The following MS4A4E variants were observed in gnomAD, a reference collection of about 807,000 sequenced individuals.
The protein encoded by MS4A4E is membrane spanning 4-domains A4E, also known as putative membrane-spanning 4-domains subfamily A member 4E.
Under a neutral mutation model 13.3 loss-of-function variants are expected in MS4A4E, and 23 were observed. The observed-to-expected ratio is 1.73, with a 90% CI of 1.25 to 2.45. The LOEUF (loss-of-function observed/expected upper bound fraction) is 2.45, where lower values mean the gene tolerates loss of function less well. Among genes scored for constraint, MS4A4E ranks in the 30% most tolerant of loss-of-function variants. MS4A4E has a pLI of 0.00. For missense variants in MS4A4E, 144 were observed against 131.2 expected, an observed-to-expected ratio of 1.10 and a Z score of -0.48; for synonymous variants, 36 against 45.6, an observed-to-expected ratio of 0.79 and a Z score of 0.85.
At chr11:60,218,784 G>T (rs1222384641) in intron 3 of MS4A4E, among the ~76,000 whole-genome samples, 9 of 152,178 alleles carry the variant, frequency 5.9e-5, no homozygotes, top group Admixed American at 2.0e-4. Flanking sequence ...CACTTGAAAA[G>T]AACTGCTTGA....
In MS4A4E at chr11:60,214,561, C is replaced by T. The variant is rs1354645961; in HGVS notation, c.222+10G>A. 6.6e-7 allele frequency: 1 copy of T among 1,510,092 alleles called. No individual in the cohort carries two copies. The highest frequency in any genetic ancestry group is 8.8e-7 in the Non-Finnish European group (1 of 1,130,530). The allele number at this position is 1,510,092 out of a possible 1,614,324, so 93.5% of individuals were successfully genotyped here. A position where few individuals can be genotyped will look rare whatever the true frequency, so the allele number is the denominator to read the frequency against. ...TTTCCTTTTGATACCCCCCACAAAA[C>T]ATTACTCACCAGACCTTTTGTTGTT... On this transcript the variant is annotated intron_variant, in intron 4 of 8. Transcript: ENST00000651255.
chr11:60,228,696 C>T (rs920596635), intron 2 of MS4A4E, 69 bp from the exon 3 acceptor site: 4 of 680,762 alleles, frequency 5.9e-6, no homozygotes, highest in African/African-American at 5.3e-5. Flanking sequence ...AGATGTCCTT[C>T]TGTAGGTGAA....
chr11:60,232,593 A>G lies in MS4A4E; in HGVS notation c.-16-2522T>C, dbSNP rs560153265. On this transcript the variant is annotated intron_variant, in intron 1 of 8. Transcript: ENST00000651255. ...CACCTGCAGTCTTACTACTGGAGAC[A>G]CATAGAGTCTTTACAGGCTCTGAGC... 3.9e-4 allele frequency among the ~76,000 whole-genome samples: 60 copies of G among 152,176 alleles called. 1 individual carries two copies. The highest frequency in any genetic ancestry group is 7.1e-4 in the Non-Finnish European group (48 of 68,018).
chr11:60,213,416 G>T, intron 4 of MS4A4E: 2 of 946,830 alleles, frequency 2.1e-6, no homozygotes, highest in Non-Finnish European at 3.1e-6. Flanking sequence ...TCATGTCTGT[G>T]TCCTTCCCTG....
In MS4A4E at chr11:60,222,530, C is replaced by T. The variant is rs575339369; in HGVS notation, c.178+6064G>A. Among the ~76,000 whole-genome samples, 5 of 152,210 alleles carry T rather than the reference C, an allele frequency of 3.3e-5. No individual in the cohort carries two copies. The East Asian group carries it at 5.8e-4, about 18-fold the overall frequency. On this transcript the variant is annotated intron_variant, in intron 3 of 8. Coordinates refer to ENST00000651255, the MANE Select transcript of MS4A4E (RefSeq NM_001393391.1). Reference sequence around the variant, plus strand: ...GAAGGCTGTGCATGCTCTGAATCAGCGTCTAATATAAGGTACTGTTTCTGC... The same window carrying T: ...GAAGGCTGTGCATGCTCTGAATCAGTGTCTAATATAAGGTACTGTTTCTGC...
intron 3 of MS4A4E, among the ~76,000 whole-genome samples, chr11:60,222,328 C>T (rs548462549): frequency 3.9e-5 from 6 of 152,310 alleles, no homozygotes; most frequent in African/African-American, 1.2e-4. Flanking sequence ...AAGGCACTCA[C>T]TTGTTGGCTA....
chr11:60,213,475 G>T, intron 4 of MS4A4E: 1 of 570,400 alleles, frequency 1.8e-6, no homozygotes, highest in South Asian at 2.5e-5. Context: ...TCTAAACACT[G>T]CTTGCCTCTC....
intron 3 of MS4A4E, among the ~76,000 whole-genome samples, chr11:60,226,065 G>T (rs978625012): frequency 6.6e-6 from 1 of 151,666 alleles, no homozygotes; most frequent in Non-Finnish European, 1.5e-5. Context: ...CCAATGAATT[G>T]CTCCTTAAAG....
chr11:60,231,780 A>G (rs2084414134), intron 1 of MS4A4E, among the ~76,000 whole-genome samples: 1 of 152,194 alleles, frequency 6.6e-6, no homozygotes, highest in African/African-American at 2.4e-5. Context: ...ACAAAAAGAC[A>G]TGCTTAGAAA....
At chr11:60,224,853 C>A in intron 3 of MS4A4E, 1 of 923,516 alleles carries the variant, frequency 1.1e-6, no homozygotes, top group Non-Finnish European at 1.5e-6. Context: ...GGTTAGATAC[C>A]ATTCTCAAAT....
intron 1 of MS4A4E, among the ~76,000 whole-genome samples, chr11:60,230,345 CT>C (rs1186361543): frequency 6.6e-6 from 1 of 152,156 alleles, no homozygotes; most frequent in African/African-American, 2.4e-5. Context: ...ATTTCTTCAA[CT>C]TCAAATCCCA....
intron 3 of MS4A4E, chr11:60,225,138 G>T (rs778052948): frequency 2.8e-6 from 4 of 1,442,520 alleles, no homozygotes; most frequent in Middle Eastern, 3.6e-4. Flanking sequence ...CACAAAAATG[G>T]TGCTTATGCC....
At chr11:60,240,109 A>G (rs2084529923) in intron 1 of MS4A4E, among the ~76,000 whole-genome samples, 1 of 152,248 alleles carries the variant, frequency 6.6e-6, no homozygotes, top group Non-Finnish European at 1.5e-5. Flanking sequence ...AGATTACTTC[A>G]GAACACTACA....
intron 1 of MS4A4E, among the ~76,000 whole-genome samples, chr11:60,234,862 A>C (rs1394375848): frequency 6.9e-6 from 1 of 144,300 alleles, no homozygotes; most frequent in Non-Finnish European, 1.6e-5. Context: ...TAAATTCTTC[A>C]ATCACAGAGT....
chr11:60,205,827 T>TA lies in MS4A4E; in HGVS notation c.484-8dup, dbSNP rs1012333662. 1.3e-5 allele frequency among the ~76,000 whole-genome samples: 2 copies of TA among 152,120 alleles called. No homozygotes were observed. Among genetic ancestry groups the TA allele is most frequent in the Admixed American group, 6.5e-5 (1 of 15,274 alleles). Reference sequence around the variant, plus strand: ...TTCTAATTTTATTTTTGCTCTGCAATAAAAAAGCAAATGTAATTAACAAAC... The same window carrying TA: ...TTCTAATTTTATTTTTGCTCTGCAATAAAAAAAGCAAATGTAATTAACAAAC... On this transcript the variant is annotated splice_polypyrimidine_tract_variant and splice_region_variant and intron_variant, in intron 6 of 8. Coordinates refer to ENST00000651255, the MANE Select transcript of MS4A4E (RefSeq NM_001393391.1).
chr11:60,229,863 G>GT, intron 2 of MS4A4E, 49 bp downstream of exon 2: 1 of 1,545,594 alleles, frequency 6.5e-7, no homozygotes, highest in Non-Finnish European at 8.7e-7. Context: ...CTGATCAAAT[G>GT]TGAGTTTACA....
intron 3 of MS4A4E, among the ~76,000 whole-genome samples, chr11:60,216,483 TC>T (rs2084195311): frequency 6.6e-6 from 1 of 152,044 alleles, no homozygotes; most frequent in Non-Finnish European, 1.5e-5. Context: ...TGAGAAATCC[TC>T]CCTCAAAAGT....
intron 1 of MS4A4E, among the ~76,000 whole-genome samples, chr11:60,234,429 C>T (rs1285008756): frequency 1.3e-5 from 2 of 152,154 alleles, no homozygotes; most frequent in Non-Finnish European, 2.9e-5. Context: ...TGTGACCTTT[C>T]AGAGGTAATT....
intron 1 of MS4A4E, among the ~76,000 whole-genome samples, chr11:60,230,297 G>A (rs891828194): frequency 2.0e-5 from 3 of 152,150 alleles, no homozygotes; most frequent in African/African-American, 7.2e-5. Flanking sequence ...TATGCTAGGA[G>A]AGAGGACATG....
Sources: allele counts gnomAD v4.1 joint callset (sites outside exome capture counted in the v4.1 genomes callset), GRCh38; gene constraint gnomAD v4.1.1; transcripts MANE v1.5; gene names NCBI Gene and HGNC (gene_info 2026-07-23, HGNC 2026-07-21).